The following FGF12 variants were observed in gnomAD, a reference collection of about 807,000 sequenced individuals.
FGF12 encodes fibroblast growth factor 12B.
FGF12 carries 14 observed loss-of-function variants against 23.6 expected under a neutral mutation model. That is an observed-to-expected ratio of 0.59 (90% CI 0.39 to 0.93). The LOEUF (loss-of-function observed/expected upper bound fraction) is 0.93. FGF12 is among the 40% of genes least tolerant of loss of function. The probability of loss-of-function intolerance (pLI) is 0.00; values close to 1 mark genes in which losing one functional copy is unlikely to be tolerated. For missense variants in FGF12, 175 were observed against 217.8 expected (o/e 0.80, Z 1.24); for synonymous variants, 62 against 77.3 (o/e 0.80, Z 1.04).
intron 2 of FGF12, among the ~76,000 whole-genome samples, chr3:192,464,779 G>A (rs1315657990): frequency 6.6e-6 from 1 of 152,098 alleles, no homozygotes; most frequent in African/African-American, 2.4e-5. Flanking sequence ...GTGGACTGGG[G>A]AAGGGTAGTG....
chr3:192,609,630 CG>C (rs1349939123), intron 2 of FGF12, among the ~76,000 whole-genome samples: 1 of 151,940 alleles, frequency 6.6e-6, no homozygotes, highest in Non-Finnish European at 1.5e-5. Context: ...ACACAGTTAC[CG>C]TGTTAGGGGC....
Position 192,336,828 on chromosome 3 carries a change from T to G in FGF12, c.125-1364A>C, listed in dbSNP as rs1233853695. Among the ~76,000 whole-genome samples, 3 of 152,142 alleles carry G rather than the reference T, an allele frequency of 2.0e-5. No homozygotes were observed. Among genetic ancestry groups the G allele is most frequent in the Non-Finnish European group, 4.4e-5 (3 of 68,008 alleles). Reference sequence around the variant, plus strand: ...ACACACACACTCACAGTATTTGGCTTTCAGTCAAATGTTCAATTGACAGTT... The same window carrying G: ...ACACACACACTCACAGTATTTGGCTGTCAGTCAAATGTTCAATTGACAGTT... On this transcript the variant is annotated intron_variant, in intron 3 of 5. Transcript: ENST00000445105. The surrounding 1 kb of genome is among the most constrained non-coding windows in gnomAD (Gnocchi z 4.3).
intron 4 of FGF12, among the ~76,000 whole-genome samples, chr3:192,314,408 C>T (rs563380961): frequency 6.6e-6 from 1 of 152,276 alleles, no homozygotes; most frequent in Admixed American, 6.5e-5. Flanking sequence ...TCTACTGGAA[C>T]TTCTGGGAAG....
chr3:192,157,378 C>T (rs1296287928), intron 5 of FGF12, among the ~76,000 whole-genome samples: 1 of 152,130 alleles, frequency 6.6e-6, no homozygotes, highest in African/African-American at 2.4e-5. Flanking sequence ...TTATTTAATT[C>T]TTGCTTCATT....
chr3:192,583,530 A>G (rs868447228), intron 2 of FGF12, among the ~76,000 whole-genome samples: 4 of 152,346 alleles, frequency 2.6e-5, no homozygotes, highest in Middle Eastern at 3.4e-3. Flanking sequence ...ATTAAGTCAC[A>G]TATAATAGCA....
chr3:192,589,145 G>A (rs1560161175), intron 2 of FGF12, among the ~76,000 whole-genome samples: 1 of 151,700 alleles, frequency 6.6e-6, no homozygotes, highest in Non-Finnish European at 1.5e-5. Flanking sequence ...GACCATCCTG[G>A]CCAACATAGT....
At chr3:192,602,130 C>CTA (rs1577074043) in intron 2 of FGF12, among the ~76,000 whole-genome samples, 1 of 152,198 alleles carries the variant, frequency 6.6e-6, no homozygotes, top group East Asian at 1.9e-4. Context: ...AATGTAGGTT[C>CTA]ACCAATTCAA....
At position 192,360,081 on chromosome 3, in the gene FGF12, G is replaced by T. The variant is rs1718651016; in HGVS notation, c.124+347C>A. Reference sequence around the variant, plus strand: ...TTGAACTATAACTTGTTCATCACTTGGTTCCGGGATTTAAATACCATCTTG... The same window carrying T: ...TTGAACTATAACTTGTTCATCACTTTGTTCCGGGATTTAAATACCATCTTG... On this transcript the variant is annotated intron_variant, in intron 3 of 5. Transcript: ENST00000445105. This position sits in a 1 kb window ranked among gnomAD's most constrained non-coding sequence, Gnocchi z 4.3. Among the ~76,000 whole-genome samples, 1 of 151,948 alleles carries T rather than the reference G, an allele frequency of 6.6e-6. No individual in the cohort carries two copies. The highest frequency in any genetic ancestry group is 1.5e-5 in the Non-Finnish European group (1 of 68,000).
intron 2 of FGF12, among the ~76,000 whole-genome samples, chr3:192,685,978 A>G (rs898880977): frequency 1.3e-5 from 2 of 152,184 alleles, no homozygotes; most frequent in Non-Finnish European, 2.9e-5. Flanking sequence ...GCTGTCTCTC[A>G]GGCACTCCTG....
At chr3:192,504,389 C>T (rs767451449) in intron 2 of FGF12, among the ~76,000 whole-genome samples, 1 of 152,152 alleles carries the variant, frequency 6.6e-6, no homozygotes, top group Non-Finnish European at 1.5e-5. Flanking sequence ...TTGAAAGTTA[C>T]ACACTGTAAG....
chr3:192,196,634 A>G (rs1406479493), intron 4 of FGF12, among the ~76,000 whole-genome samples: 1 of 152,202 alleles, frequency 6.6e-6, no homozygotes, highest in Non-Finnish European at 1.5e-5. Flanking sequence ...GATAAAATTA[A>G]TAACTAAAAT....
chr3:192,696,082 G>A (rs1254616834), intron 2 of FGF12, among the ~76,000 whole-genome samples: 6 of 152,074 alleles, frequency 3.9e-5, no homozygotes, highest in African/African-American at 1.4e-4. Context: ...CTGGGTGACG[G>A]AGAAAGATTC....
chr3:192,430,342 G>A (rs1213266776), intron 2 of FGF12, among the ~76,000 whole-genome samples: 15 of 152,202 alleles, frequency 9.9e-5, no homozygotes, highest in Non-Finnish European at 1.6e-4. Context: ...AAGTAGGGTG[G>A]TGGTTTCCAG....
chr3:192,198,700 C>T (rs182686597), intron 4 of FGF12, among the ~76,000 whole-genome samples: 1 of 152,222 alleles, frequency 6.6e-6, no homozygotes, highest in Non-Finnish European at 1.5e-5. Context: ...TTTGTAATTA[C>T]CAATATCATG....
intron 2 of FGF12, chr3:192,516,941 G>A (rs1724686755): frequency 6.6e-6 from 1 of 152,220 alleles, no homozygotes. Flanking sequence ...TCCCCACAGA[G>A]GGAGAGACAA....
intron 2 of FGF12, among the ~76,000 whole-genome samples, chr3:192,522,212 CAAAA>C (rs1157460890): frequency 4.6e-5 from 6 of 131,838 alleles, no homozygotes; most frequent in African/African-American, 1.7e-4. Context: ...AAAAAAAAAA[CAAAA>C]AAAAACGGGG....
intron 2 of FGF12, among the ~76,000 whole-genome samples, chr3:192,571,610 T>C (rs902824037): frequency 6.6e-6 from 1 of 152,222 alleles, no homozygotes; most frequent in Non-Finnish European, 1.5e-5. Flanking sequence ...TCGGGCCTTC[T>C]TAAAATAAAT....
intron 3 of FGF12, among the ~76,000 whole-genome samples, chr3:192,344,571 T>C (rs75580123): frequency 2.4e-3 from 363 of 152,334 alleles, no homozygotes; most frequent in African/African-American, 8.3e-3. Context: ...ATTTATCGAC[T>C]TACAGAGCTG....
rs545067994 is a variant in FGF12 at position 192,378,261 on chromosome 3, C to T, written c.14-17723G>A. Among the ~76,000 whole-genome samples the T allele has an allele frequency of 2.0e-5, 3 of 149,552 alleles. 1 individual carries two copies. The highest frequency in any genetic ancestry group is 7.7e-5 in the African/African-American group (3 of 39,158). On this transcript the variant is annotated intron_variant, in intron 2 of 5. Coordinates refer to ENST00000445105, the MANE Select transcript of FGF12 (RefSeq NM_004113.6). ...GAGTAGCTGGGACTACAGGCGTGTG[C>T]TATCATGCCTAGCTAATTTTTGTAT...
Sources: gnomAD v4.1 joint callset for allele counts (sites outside exome capture counted in the v4.1 genomes callset) on GRCh38, gnomAD v4.1.1 for gene constraint, Gnocchi (gnomAD v3.1) non-coding constraint, MANE v1.5 for transcripts, NCBI Gene and HGNC (gene_info 2026-07-23, HGNC 2026-07-21) for gene names.